CLIP2: variants seen among roughly 807,000 people sequenced by gnomAD.
The protein encoded by CLIP2 is CAP-Gly domain containing linker protein 2, also known as CAP-Gly domain-containing linker protein 2.
In CLIP2, 41 loss-of-function variants were observed where a neutral mutation model predicts 111.7. The ratio of observed to expected loss-of-function variants is 0.37; its 90% CI spans 0.29 to 0.48. CLIP2 has a LOEUF of 0.48. Ranked by LOEUF, CLIP2 falls within the 20% of genes least tolerant of loss-of-function variation. The pLI, the probability that CLIP2 is intolerant of heterozygous loss-of-function variation, is 0.99. For missense variants in CLIP2, 1,160 were observed against 1,422.1 expected (o/e 0.82, Z 2.96); for synonymous variants, 660 against 644.2 (o/e 1.02, Z -0.37).
In CLIP2 at chr7:74,376,254, A is replaced by ACTCGCTGGC. The variant is rs1554312807; in HGVS notation, c.1858_1866dup (p.Leu620_Ser622dup). ...ATGGACAACTGGAAATCCAAGCTGG[A>ACTCGCTGGC]CTCGCTGGCCTCGGACCACCAGAAG... is the stretch of plus-strand genomic sequence containing the variant. On this transcript the variant is annotated inframe_insertion, in exon 10 of 17. Transcript: ENST00000223398. The surrounding 1 kb of genome is among the most constrained non-coding windows in gnomAD (Gnocchi z 7.1). The ACTCGCTGGC allele has an allele frequency of 6.2e-7, 1 of 1,612,446 alleles. No homozygotes were observed. The highest frequency in any genetic ancestry group is 8.5e-7 in the Non-Finnish European group (1 of 1,179,330).
chr7:74,314,859 G>C (rs1291998779), intron 1 of CLIP2, among the ~76,000 whole-genome samples: 3 of 152,172 alleles, frequency 2.0e-5, no homozygotes, highest in Non-Finnish European at 2.9e-5. Flanking sequence ...CCTGCAGCCA[G>C]TCCCATCTTG....
chr7:74,397,269 C>T lies in CLIP2; in HGVS notation c.2880+36C>T, dbSNP rs781841538. Reference sequence around the variant, plus strand: ...TAGGGGTGGCCTAGGGGCAGGGGCACTAGTCCGGGTGGGGCTGGGCTAGCC... The same window carrying T: ...TAGGGGTGGCCTAGGGGCAGGGGCATTAGTCCGGGTGGGGCTGGGCTAGCC... On this transcript the variant is annotated intron_variant, in intron 14 of 16. Coordinates refer to ENST00000223398, the MANE Select transcript of CLIP2 (RefSeq NM_003388.5). 24 of 1,601,854 alleles carry T rather than the reference C, an allele frequency of 1.5e-5. No homozygotes were observed. In the South Asian group the frequency reaches 2.6e-4, roughly 17 times the overall value.
Position 74,400,415 on chromosome 7 carries a change from G to A in CLIP2, c.2926G>A (p.Asp976Asn), listed in dbSNP as rs782439756. Residue 976 changes from aspartate to asparagine, a missense_variant, in exon 15 of 17, where the codon GAC (aspartate) becomes AAC (asparagine). Transcript: ENST00000223398. ...GGATCAGAGGCGCTACTCCCTCATC[G>A]ACCGGTCCTCGGCGCCCGAGCTTCT... ...LSDQRRYSLIDRSSAPELLRL... is the reference protein window; with the variant it reads ...LSDQRRYSLINRSSAPELLRL... 1.1e-5 allele frequency: 18 copies of A among 1,613,630 alleles called. No homozygotes were observed. In the Admixed American group the frequency reaches 1.3e-4, roughly 12 times the overall value.
chr7:74,374,546 C>A (rs1790722370), intron 9 of CLIP2, among the ~76,000 whole-genome samples: 1 of 152,062 alleles, frequency 6.6e-6, no homozygotes, highest in Non-Finnish European at 1.5e-5. Flanking sequence ...CATGGTGAAA[C>A]CCTGTCTCTA....
intron 4 of CLIP2, among the ~76,000 whole-genome samples, chr7:74,355,392 T>G (rs1790116947): frequency 6.6e-6 from 1 of 152,128 alleles, no homozygotes; most frequent in East Asian, 1.9e-4. Context: ...GGAGGATCAC[T>G]TGAAGCCAGC....
intron 3 of CLIP2, among the ~76,000 whole-genome samples, chr7:74,343,531 T>A (rs1789719397): frequency 6.6e-6 from 1 of 152,096 alleles, no homozygotes; most frequent in Non-Finnish European, 1.5e-5. Flanking sequence ...TCTCCATGTG[T>A]CTGTTCAGCA....
intron 2 of CLIP2, among the ~76,000 whole-genome samples, chr7:74,323,530 C>T (rs1789026008): frequency 6.6e-6 from 1 of 151,728 alleles, no homozygotes; most frequent in Non-Finnish European, 1.5e-5. Flanking sequence ...TGGGTTCAAG[C>T]AATTCTCCTG....
At chr7:74,390,179 AAG>A (rs1307798350) in intron 13 of CLIP2, among the ~76,000 whole-genome samples, 13 of 87,228 alleles carry the variant, frequency 1.5e-4, no homozygotes, top group Admixed American at 6.5e-4. Context: ...GAAAGAAAGA[AAG>A]AAAGAAAGAA....
intron 8 of CLIP2, among the ~76,000 whole-genome samples, chr7:74,372,046 C>G (rs1199633204): frequency 5.9e-5 from 9 of 152,146 alleles, no homozygotes; most frequent in Non-Finnish European, 1.0e-4. Flanking sequence ...GACCCTCTGG[C>G]TTCTCCCTAA....
chr7:74,368,284 G>A (rs1355823133), intron 8 of CLIP2, among the ~76,000 whole-genome samples: 14 of 152,030 alleles, frequency 9.2e-5, no homozygotes, highest in African/African-American at 2.2e-4. Flanking sequence ...TTGGGAGGCC[G>A]AGGTGGGCGG....
chr7:74,306,783 G>T (rs1436253108), intron 1 of CLIP2, among the ~76,000 whole-genome samples: 4 of 152,240 alleles, frequency 2.6e-5, no homozygotes. Flanking sequence ...CATACTCCTG[G>T]GGTGTCTTCT....
chr7:74,315,202 G>A (rs575594609), intron 1 of CLIP2, among the ~76,000 whole-genome samples: 2 of 152,264 alleles, frequency 1.3e-5, no homozygotes, highest in South Asian at 4.1e-4. Flanking sequence ...CTTGAACCTG[G>A]GAGGTGGAGG....
intron 16 of CLIP2, among the ~76,000 whole-genome samples, chr7:74,402,953 A>G (rs191207428): frequency 1.3e-5 from 2 of 152,032 alleles, no homozygotes; most frequent in African/African-American, 4.8e-5. Flanking sequence ...GCTCACACCT[A>G]TAATCCCAGC....
Position 74,389,117 on chromosome 7 carries a change from T to A in CLIP2, c.2578T>A (p.Cys860Ser). 1 of 1,611,698 alleles carries A rather than the reference T, an allele frequency of 6.2e-7. No individual in the cohort carries two copies. The highest frequency in any genetic ancestry group is 8.5e-7 in the Non-Finnish European group (1 of 1,179,220). ...GCTGACCCCAGCGCTGGAGAGCAAG[T>A]GTAAGTCAGGCGAGAAGAAGGTGGA... ...RAQVSALESKCKSGEKKVDAL... is the reference protein window; with the variant it reads ...RAQVSALESKSKSGEKKVDAL... The change falls in exon 13 of 17, where the codon TGT becomes AGT. Residue 860 changes from cysteine to serine, a missense_variant. This residue lies in a region of CLIP2 where 676 missense variants were observed against 777.8 expected (regional missense o/e 0.87). Coordinates refer to ENST00000223398, the MANE Select transcript of CLIP2 (RefSeq NM_003388.5).
rs1564039800 is a variant in CLIP2 at position 74,325,509 on chromosome 7, A to C, written c.121+7842A>C. Reference sequence around the variant, plus strand: ...TCGCCCCAGCTGCCGTTCAGGGAAAAACATCCAGGCAGAGGGAACAGAGGC... The same window carrying C: ...TCGCCCCAGCTGCCGTTCAGGGAAACACATCCAGGCAGAGGGAACAGAGGC... On this transcript the variant is annotated intron_variant, in intron 2 of 16. Transcript: ENST00000223398. 1.3e-5 allele frequency among the ~76,000 whole-genome samples: 2 copies of C among 152,078 alleles called. 1 individual carries two copies. The highest frequency in any genetic ancestry group is 4.1e-4 in the South Asian group (2 of 4,832).
At chr7:74,360,739 T>C (rs1790304120) in intron 7 of CLIP2, among the ~76,000 whole-genome samples, 1 of 152,008 alleles carries the variant, frequency 6.6e-6, no homozygotes, top group South Asian at 2.1e-4. Context: ...TTTGTAGAGA[T>C]GGGGTTTTGG....
intron 8 of CLIP2, among the ~76,000 whole-genome samples, chr7:74,366,416 T>C (rs185696555): frequency 0.01 from 1,577 of 152,252 alleles, 26 homozygotes; most frequent in African/African-American, 0.036. Context: ...CCCTGTAAGA[T>C]CCACAGTCTT....
intron 7 of CLIP2, among the ~76,000 whole-genome samples, chr7:74,361,209 C>CCTTCCTTCCT (rs1584360324): frequency 5.1e-5 from 1 of 19,586 alleles, no homozygotes; most frequent in African/African-American, 1.8e-4. Flanking sequence ...CCTTCCTTCC[C>CCTTCCTTCCT]TCCCTCCCTC....
chr7:74,361,684 A>AT (rs1400657612), intron 7 of CLIP2, among the ~76,000 whole-genome samples: 1 of 152,106 alleles, frequency 6.6e-6, no homozygotes, highest in Non-Finnish European at 1.5e-5. Context: ...TGCCCAGCTA[A>AT]TTTTTTGTAT....
Sources: gnomAD v4.1 joint callset for allele counts (sites outside exome capture counted in the v4.1 genomes callset) on GRCh38, gnomAD v4.1.1 for gene constraint, gnomAD v4.1.1 regional missense constraint, Gnocchi (gnomAD v3.1) non-coding constraint, MANE v1.5 for transcripts, NCBI Gene and HGNC (gene_info 2026-07-23, HGNC 2026-07-21) for gene names.